GNB1: variants seen among roughly 807,000 people sequenced by gnomAD.
GNB1 encodes the protein G protein subunit beta 1.
In GNB1, 2 loss-of-function variants were observed where a neutral mutation model predicts 42.9. That is an observed-to-expected ratio of 0.05 (90% CI 0.02 to 0.15). The LOEUF (loss-of-function observed/expected upper bound fraction) is 0.15. Among genes scored for constraint, GNB1 ranks in the 10% least tolerant of loss-of-function variants. The probability of loss-of-function intolerance (pLI) is 1.00; values close to 1 mark genes in which losing one functional copy is unlikely to be tolerated. For synonymous variants in GNB1, 183 were observed against 174.7 expected (o/e 1.05, Z -0.38); for missense variants, 193 against 462.2 (o/e 0.42, Z 5.34).
intron 3 of GNB1, 156 bp downstream of exon 3, chr1:1,825,241 T>A (rs1646981100): frequency 1.5e-6 from 1 of 646,772 alleles, no homozygotes; most frequent in Non-Finnish European, 2.8e-6. Flanking sequence ...CTAGGCTAAG[T>A]ATCTAGATCT....
At chr1:1,879,963 A>T (rs1347618711) in intron 1 of GNB1, among the ~76,000 whole-genome samples, 2 of 151,760 alleles carry the variant, frequency 1.3e-5, no homozygotes, top group Non-Finnish European at 2.9e-5. Context: ...ATAGGGCCTC[A>T]CTCTGTCACC....
At chr1:1,817,007 C>CA (rs1646866423) in intron 4 of GNB1, among the ~76,000 whole-genome samples, 1 of 152,134 alleles carries the variant, frequency 6.6e-6, no homozygotes, top group Non-Finnish European at 1.5e-5. Context: ...TTAGTACACT[C>CA]ATTGTTGTAA....
chr1:1,851,936 G>C (rs771387472), intron 1 of GNB1, among the ~76,000 whole-genome samples: 44 of 151,548 alleles, frequency 2.9e-4, no homozygotes, highest in Middle Eastern at 3.5e-3. Flanking sequence ...CCAGCTACTC[G>C]GGAGGCTGAG....
intron 7 of GNB1, chr1:1,793,775 G>C (rs926199290): frequency 3.2e-5 from 5 of 154,876 alleles, no homozygotes; most frequent in African/African-American, 1.2e-4. Flanking sequence ...ATCAGAAAGG[G>C]AGTGCTAGGG....
At chr1:1,789,016 T>C (rs530234682) in intron 10 of GNB1, 37 bp downstream of exon 10, 2 of 1,410,572 alleles carry the variant, frequency 1.4e-6, no homozygotes, top group South Asian at 2.3e-5. Flanking sequence ...ACCACGTAAA[T>C]GTCCACAAGA....
chr1:1,807,478 A>C (rs1398694482), intron 5 of GNB1, among the ~76,000 whole-genome samples: 5 of 148,554 alleles, frequency 3.4e-5, no homozygotes, highest in South Asian at 2.1e-4. Context: ...AAAAAAAAAA[A>C]AAAAAAAAAA....
At chr1:1,878,994 C>T (rs752124156) in intron 1 of GNB1, among the ~76,000 whole-genome samples, 2 of 152,206 alleles carry the variant, frequency 1.3e-5, no homozygotes, top group Non-Finnish European at 2.9e-5. Context: ...AAAGTCTGGT[C>T]ACTCCTTTAA....
At chr1:1,844,877 T>A (rs1647540005) in intron 1 of GNB1, among the ~76,000 whole-genome samples, 1 of 152,214 alleles carries the variant, frequency 6.6e-6, no homozygotes, top group Admixed American at 6.5e-5. Context: ...AAAGTCTATA[T>A]TCCGGAAAAC....
intron 1 of GNB1, among the ~76,000 whole-genome samples, chr1:1,864,855 G>C (rs867175912): frequency 1.3e-5 from 2 of 152,186 alleles, no homozygotes; most frequent in Non-Finnish European, 2.9e-5. Flanking sequence ...AAAACGTAAA[G>C]GTTTCATCAG....
At chr1:1,882,003 A>G (rs1012842406) in intron 1 of GNB1, among the ~76,000 whole-genome samples, 1 of 151,946 alleles carries the variant, frequency 6.6e-6, no homozygotes, top group Non-Finnish European at 1.5e-5. Flanking sequence ...AGAAGCTGCC[A>G]CTGAACTCTG....
intron 5 of GNB1, among the ~76,000 whole-genome samples, chr1:1,810,915 G>A (rs1315973451): frequency 6.6e-6 from 1 of 151,726 alleles, no homozygotes; most frequent in Non-Finnish European, 1.5e-5. Flanking sequence ...TGATCCACCC[G>A]CCTTAGCCTC....
At chr1:1,868,752 CCTGGGTGACAGAGTG>C (rs761977567) in intron 1 of GNB1, among the ~76,000 whole-genome samples, 1 of 151,726 alleles carries the variant, frequency 6.6e-6, no homozygotes, top group Non-Finnish European at 1.5e-5. Context: ...TGCACTCCAG[CCTGGGTGACAGAGTG>C]AGACTCCATC....
intron 1 of GNB1, among the ~76,000 whole-genome samples, chr1:1,876,168 C>G (rs1649534918): frequency 6.6e-6 from 1 of 152,178 alleles, no homozygotes; most frequent in South Asian, 2.1e-4. Flanking sequence ...CTGAGGGAAT[C>G]AATTCATTCT....
At chr1:1,845,538 A>C (rs1479938024) in intron 1 of GNB1, among the ~76,000 whole-genome samples, 2 of 152,170 alleles carry the variant, frequency 1.3e-5, no homozygotes, top group Non-Finnish European at 2.9e-5. Context: ...GTGCCACTGC[A>C]CTCCAGCCTG....
intron 1 of GNB1, among the ~76,000 whole-genome samples, chr1:1,850,330 C>T (rs1647914402): frequency 6.6e-6 from 1 of 151,988 alleles, no homozygotes; most frequent in Non-Finnish European, 1.5e-5. Flanking sequence ...CGGGGTTTCT[C>T]CATGTTGGTC....
At chr1:1,792,708 A>AAG (rs1248352759) in intron 8 of GNB1, among the ~76,000 whole-genome samples, 1 of 151,726 alleles carries the variant, frequency 6.6e-6, no homozygotes, top group African/African-American at 2.4e-5. Flanking sequence ...AAAAAAAAAA[A>AAG]AAAAAGAAAA....
chr1:1,882,979 A>T (rs1649937234), intron 1 of GNB1, among the ~76,000 whole-genome samples: 1 of 151,922 alleles, frequency 6.6e-6, no homozygotes, highest in Non-Finnish European at 1.5e-5. Context: ...GTTCAAGATT[A>T]TTCTACAAAG....
intron 1 of GNB1, among the ~76,000 whole-genome samples, chr1:1,858,070 G>A (rs887682636): frequency 6.6e-6 from 1 of 152,194 alleles, no homozygotes; most frequent in Non-Finnish European, 1.5e-5. Flanking sequence ...ATCCATAATG[G>A]AGAATCCAGA....
intron 1 of GNB1, among the ~76,000 whole-genome samples, chr1:1,842,837 A>C (rs1647370018): frequency 6.6e-6 from 1 of 152,248 alleles, no homozygotes; most frequent in Admixed American, 6.5e-5. Context: ...CACAGGAGTA[A>C]ACAGTGAATG....
Sources: allele counts gnomAD v4.1 joint callset (sites outside exome capture counted in the v4.1 genomes callset), GRCh38; gene constraint gnomAD v4.1.1; transcripts MANE v1.5; gene names NCBI Gene and HGNC (gene_info 2026-07-23, HGNC 2026-07-21).